RAD51D: variants seen among roughly 807,000 people sequenced by gnomAD.
RAD51D encodes the protein DNA repair protein RAD51 homolog 4.
Under a neutral mutation model 44.1 loss-of-function variants are expected in RAD51D, and 38 were observed. That is an observed-to-expected ratio of 0.86 (90% CI 0.67 to 1.13). The LOEUF (loss-of-function observed/expected upper bound fraction) is 1.13. RAD51D is among the 50% of genes most tolerant of loss of function. The probability of loss-of-function intolerance (pLI) is 0.00; values close to 1 mark genes in which losing one functional copy is unlikely to be tolerated. For missense variants in RAD51D, 390 were observed against 414.0 expected, an observed-to-expected ratio of 0.94 and a Z score of 0.50; for synonymous variants, 141 against 166.6, an observed-to-expected ratio of 0.85 and a Z score of 1.18.
At position 35,119,574 on chromosome 17, in the gene RAD51D, C is replaced by T. The variant is rs562456790; in HGVS notation, c.40G>A (p.Glu14Lys). ...CTCCTGAGAAGCTGGATCATCTCCTCGGTAAGGCCAGGGCACAGTCCGACC... is the reference window on the plus strand; with the variant it reads ...CTCCTGAGAAGCTGGATCATCTCCTTGGTAAGGCCAGGGCACAGTCCGACC... ...LRVGLCPGLTEEMIQLLRSHR... is the reference protein window; with the variant it reads ...LRVGLCPGLTKEMIQLLRSHR... The change falls in exon 1 of 10, where the codon GAG becomes AAG. Residue 14 changes from glutamate to lysine, a missense_variant. By Grantham distance (56) the Glu-to-Lys change is moderately conservative. Coordinates refer to ENST00000345365, the MANE Select transcript of RAD51D (RefSeq NM_002878.4). 3.1e-6 allele frequency: 5 copies of T among 1,612,772 alleles called. No individual in the cohort carries two copies. The highest frequency in any genetic ancestry group is 4.5e-5 in the East Asian group (2 of 44,872).
intron 9 of RAD51D, 25 bp from the exon 10 acceptor site, chr17:35,101,061 T>C (rs2091529848): frequency 1.2e-6 from 2 of 1,607,950 alleles, no homozygotes; most frequent in Middle Eastern, 1.7e-4. Flanking sequence ...AAGGAGTCAG[T>C]GGAGTTAAGC....
chr17:35,095,893 T>A lies in RAD51D; in HGVS notation c.*5060A>T, dbSNP rs1261879921. ...TAACTGAAAACCTAATTTAGGAGTA[T>A]ACTTTTGTAACAGATTGCTGAGGCT... On this transcript the variant is annotated 3_prime_UTR_variant, in exon 10 of 10. Coordinates refer to ENST00000345365, the MANE Select transcript of RAD51D (RefSeq NM_002878.4). 6.6e-6 allele frequency: 1 copy of A among 152,234 alleles called. No homozygotes were observed. Among genetic ancestry groups the A allele is most frequent in the African/African-American group, 2.4e-5 (1 of 41,464 alleles). The allele number at this position is 152,234 out of a possible 1,614,324, so 9.4% of individuals were successfully genotyped here. A position where few individuals can be genotyped will look rare whatever the true frequency, so the allele number is the denominator to read the frequency against.
In RAD51D at chr17:35,100,495, C is replaced by G; in HGVS notation, c.*458G>C. ...AGAGACAGAGCTAAGGAAGAGTGGG[C>G]CCCCATCTAACAAATGGAAAGGCAG... On this transcript the variant is annotated 3_prime_UTR_variant, in exon 10 of 10. Transcript: ENST00000345365. The G allele has an allele frequency of 1.9e-6, 1 of 535,970 alleles. No individual in the cohort carries two copies. The highest frequency in any genetic ancestry group is 3.6e-6 in the Non-Finnish European group (1 of 277,580). The allele number at this position is 535,970 out of a possible 1,614,324, so 33.2% of individuals were successfully genotyped here.
chr17:35,099,800 C>G lies in RAD51D; in HGVS notation c.*1153G>C, dbSNP rs771144747. 4 of 476,804 alleles carry G rather than the reference C, an allele frequency of 8.4e-6. No homozygotes were observed. Among genetic ancestry groups the G allele is most frequent in the South Asian group, 6.4e-5 (4 of 62,224 alleles). 29.5% of individuals were successfully genotyped at this position (476,804 alleles called of 1,614,324 possible). On this transcript the variant is annotated 3_prime_UTR_variant, in exon 10 of 10. Coordinates refer to ENST00000345365, the MANE Select transcript of RAD51D (RefSeq NM_002878.4). ...GTAACCAATCCTGATCATTTCTGTA[C>G]TTTTCCTTTTATTTTCCATTCCCTG...
intron 3 of RAD51D, chr17:35,116,972 T>A: frequency 6.2e-7 from 1 of 1,613,898 alleles, no homozygotes; most frequent in Non-Finnish European, 8.5e-7. Context: ...CACTCCACGA[T>A]CTCCCTGCGG....
chr17:35,112,872 G>A (rs532881214), intron 3 of RAD51D, among the ~76,000 whole-genome samples: 161 of 152,312 alleles, frequency 1.1e-3, no homozygotes, highest in African/African-American at 3.8e-3. Context: ...TCCGATCCCT[G>A]TCGCATCCCC....
intron 2 of RAD51D, among the ~76,000 whole-genome samples, 170 bp from the exon 3 acceptor site, chr17:35,118,789 T>C (rs539003551): frequency 6.6e-6 from 1 of 152,316 alleles, no homozygotes; most frequent in African/African-American, 2.4e-5. Context: ...GTCGCCCAGA[T>C]TGGAGTGCAG....
intron 5 of RAD51D, 78 bp from the exon 6 acceptor site, chr17:35,106,559 G>A: frequency 9.3e-7 from 1 of 1,077,816 alleles, no homozygotes; most frequent in East Asian, 2.5e-5. Context: ...AGAAGGAAGA[G>A]GCACCTGGAT....
intron 3 of RAD51D, among the ~76,000 whole-genome samples, chr17:35,117,255 T>TG (rs2091761597): frequency 6.6e-6 from 1 of 152,194 alleles, no homozygotes; most frequent in African/African-American, 2.4e-5. Flanking sequence ...CAGTGCTTGA[T>TG]GGATCACAGA....
In RAD51D at chr17:35,092,590, A is replaced by T. The variant is rs1219294439; in HGVS notation, c.*8363T>A. On this transcript the variant is annotated 3_prime_UTR_variant, in exon 10 of 10. Transcript: ENST00000345365. ...GTCCAAGTAACTCGGCCAGAAAGGG[A>T]CTAGCAGGGTTTTGAACTTAGATCT... 3 of 152,242 alleles carry T rather than the reference A, an allele frequency of 2.0e-5. No homozygotes were observed. The highest frequency in any genetic ancestry group is 2.4e-5 in the African/African-American group (1 of 41,472). The allele number at this position is 152,242 out of a possible 1,614,324, so 9.4% of individuals were successfully genotyped here.
rs1199945996 is a variant in RAD51D, at chr17:35,092,558, T to C, written c.*8395A>G. ...ACACTTTACCAGTAGGACAGAGACA[T>C]TACCTTGTCCAAGTAACTCGGCCAG... On this transcript the variant is annotated 3_prime_UTR_variant, in exon 10 of 10. Coordinates refer to ENST00000345365, the MANE Select transcript of RAD51D (RefSeq NM_002878.4). The C allele has an allele frequency of 6.6e-6, 1 of 152,202 alleles. No homozygotes were observed. The highest frequency in any genetic ancestry group is 2.4e-5 in the African/African-American group (1 of 41,460). 9.4% of individuals were successfully genotyped at this position (152,202 alleles called of 1,614,324 possible). A position where few individuals can be genotyped will look rare whatever the true frequency, so the allele number is the denominator to read the frequency against.
Position 35,118,577 on chromosome 17 carries a change from C to A in RAD51D, c.187G>T (p.Ala63Ser), listed in dbSNP as rs777402267. Reference sequence around the variant, plus strand: ...AGATCAGCGCCATTCACGGGGAAAGCCGAGAACTGAGCCAGCAGCACCCGC... The same window carrying A: ...AGATCAGCGCCATTCACGGGGAAAGACGAGAACTGAGCCAGCAGCACCCGC... Reference protein sequence around the residue: ...LRRVLLAQFSAFPVNGADLYE... With the variant: ...LRRVLLAQFSSFPVNGADLYE... Residue 63 changes from alanine (A) to serine (S), a missense_variant, in exon 3 of 10, where the codon GCT becomes TCT. Coordinates refer to ENST00000345365, the MANE Select transcript of RAD51D (RefSeq NM_002878.4). The A allele has an allele frequency of 6.2e-7, 1 of 1,614,194 alleles. No individual in the cohort carries two copies. The highest frequency in any genetic ancestry group is 8.5e-7 in the Non-Finnish European group (1 of 1,180,038).
Position 35,096,965 on chromosome 17 carries a change from T to C in RAD51D, c.*3988A>G, listed in dbSNP as rs1234441043. 2.0e-5 allele frequency: 3 copies of C among 152,190 alleles called. No homozygotes were observed. Among genetic ancestry groups the C allele is most frequent in the African/African-American group, 7.2e-5 (3 of 41,444 alleles). 9.4% of individuals were successfully genotyped at this position (152,190 alleles called of 1,614,324 possible). A position where few individuals can be genotyped will look rare whatever the true frequency, so the allele number is the denominator to read the frequency against. On this transcript the variant is annotated 3_prime_UTR_variant, in exon 10 of 10. Coordinates refer to ENST00000345365, the MANE Select transcript of RAD51D (RefSeq NM_002878.4). ...GGACCTTTGCCTGAGTCCTTGGGAA[T>C]TCAAATGCCTGATTTTTAATTAAGG...
At chr17:35,109,589 T>C (rs1045208342) in intron 3 of RAD51D, among the ~76,000 whole-genome samples, 1 of 152,240 alleles carries the variant, frequency 6.6e-6, no homozygotes, top group Non-Finnish European at 1.5e-5. Flanking sequence ...ATTATTTTTT[T>C]ATTTTAGTCT....
chr17:35,102,156 A>T (rs1289642963), intron 8 of RAD51D, among the ~76,000 whole-genome samples: 1 of 151,934 alleles, frequency 6.6e-6, no homozygotes, highest in Non-Finnish European at 1.5e-5. Flanking sequence ...ATGGACTCAG[A>T]TGGTATTTTT....
chr17:35,105,341 G>A (rs369384670), intron 6 of RAD51D, among the ~76,000 whole-genome samples: 2 of 152,198 alleles, frequency 1.3e-5, no homozygotes, highest in East Asian at 1.9e-4. Flanking sequence ...ACCAGGCTAA[G>A]GTACAGTGGT....
Position 35,100,073 on chromosome 17 carries a change from C to T in RAD51D, c.*880G>A. 1.9e-6 allele frequency: 1 copy of T among 533,202 alleles called. No homozygotes were observed. The highest frequency in any genetic ancestry group is 3.6e-6 in the Non-Finnish European group (1 of 275,670). 33.0% of individuals were successfully genotyped at this position (533,202 alleles called of 1,614,324 possible). A position where few individuals can be genotyped will look rare whatever the true frequency, so the allele number is the denominator to read the frequency against. On this transcript the variant is annotated 3_prime_UTR_variant, in exon 10 of 10. Transcript: ENST00000345365. Reference sequence around the variant, plus strand: ...TGGCTCTATTTACTGTGCAAATTCTCCTCTGTCTGTTTATGGGCAAGGCCA... The same window carrying T: ...TGGCTCTATTTACTGTGCAAATTCTTCTCTGTCTGTTTATGGGCAAGGCCA...
intron 3 of RAD51D, among the ~76,000 whole-genome samples, chr17:35,112,992 G>C (rs2091695754): frequency 6.6e-6 from 1 of 152,132 alleles, no homozygotes; most frequent in East Asian, 1.9e-4. Flanking sequence ...ATCAACACTG[G>C]CTGTGAAAGA....
rs1327611341 is a variant in RAD51D, at chr17:35,118,222, G to A, written c.263+279C>T. On this transcript the variant is annotated intron_variant, in intron 3 of 9. Transcript: ENST00000345365. ...GGCTGGTGCTACTGGCATCTAGTGGGCAGAGGCCAGAGATGCTGCTAAACA... is the reference window on the plus strand; with the variant it reads ...GGCTGGTGCTACTGGCATCTAGTGGACAGAGGCCAGAGATGCTGCTAAACA... Among the ~76,000 whole-genome samples, 4 of 152,130 alleles carry A rather than the reference G, an allele frequency of 2.6e-5. No individual in the cohort carries two copies. In the East Asian group the frequency reaches 5.8e-4, roughly 22 times the overall value.
Sources: allele counts gnomAD v4.1 joint callset (sites outside exome capture counted in the v4.1 genomes callset), GRCh38; gene constraint gnomAD v4.1.1; transcripts MANE v1.5; gene names NCBI Gene and HGNC (gene_info 2026-07-23, HGNC 2026-07-21).